Variants in CSMD1 observed in about 807,000 individuals in gnomAD.
The protein encoded by CSMD1 is CUB and Sushi multiple domains 1.
A neutral mutation model predicts 417.5 loss-of-function variants in CSMD1; 213 were observed. The observed-to-expected ratio is 0.51, with a 90% CI of 0.46 to 0.57. CSMD1 has a LOEUF of 0.57. Ranked by LOEUF, CSMD1 falls within the 20% of genes least tolerant of loss-of-function variation. CSMD1 has a pLI of 0.00. For synonymous variants in CSMD1, 2,862 were observed against 1,736.8 expected, an observed-to-expected ratio of 1.65 and a Z score of -16.11; for missense variants, 6,923 against 4,529.7, an observed-to-expected ratio of 1.53 and a Z score of -15.17.
intron 3 of CSMD1, among the ~76,000 whole-genome samples, chr8:4,329,455 T>C (rs533076910): frequency 3.3e-5 from 5 of 152,062 alleles, no homozygotes; most frequent in Admixed American, 6.6e-5. Flanking sequence ...CACTGGCTAA[T>C]TTTTGTATTT....
intron 23 of CSMD1, among the ~76,000 whole-genome samples, chr8:3,335,859 G>T (rs567616427): frequency 6.6e-6 from 1 of 152,140 alleles, no homozygotes; most frequent in South Asian, 2.1e-4. Context: ...GGCTCAGAGA[G>T]GTGAATTCAT....
intron 3 of CSMD1, among the ~76,000 whole-genome samples, chr8:4,058,824 C>A (rs1391047202): frequency 2.0e-5 from 3 of 151,326 alleles, no homozygotes; most frequent in Non-Finnish European, 4.4e-5. Flanking sequence ...GAGACTTAGA[C>A]TCCCACACAA....
At chr8:3,314,819 T>G (rs1194164599) in intron 23 of CSMD1, among the ~76,000 whole-genome samples, 1 of 152,248 alleles carries the variant, frequency 6.6e-6, no homozygotes, top group Non-Finnish European at 1.5e-5. Context: ...TTAGTTCTTA[T>G]CTTCCAAATA....
rs768412800 is a variant in CSMD1, at chr8:2,966,620, C to T, written c.9050G>A (p.Arg3017Gln). Residue 3017 changes from arginine to glutamine, a missense_variant, in exon 58 of 70, where the codon CGG becomes CAG. Transcript: ENST00000635120. Reference sequence around the variant, plus strand: ...CCAGGTCCCATTGGCTGTGCAATGCCGTGTCATGAGCCCTGAGGTCTTGTA... The same window carrying T: ...CCAGGTCCCATTGGCTGTGCAATGCTGTGTCATGAGCCCTGAGGTCTTGTA... ...EGYKTSGLMT[R>Q]HCTANGTWTG... 3.7e-6 allele frequency: 6 copies of T among 1,613,706 alleles called. No homozygotes were observed. Among genetic ancestry groups the T allele is most frequent in the Non-Finnish European group, 5.1e-6 (6 of 1,179,774 alleles).
In CSMD1 at chr8:4,117,385, G is replaced by A. The variant is rs73658583; in HGVS notation, c.416-85286C>T. 8.3e-3 allele frequency among the ~76,000 whole-genome samples: 1,256 copies of A among 151,172 alleles called. 26 individuals carry two copies. The highest frequency in any genetic ancestry group is 0.029 in the African/African-American group (1,187 of 41,410). ...CATAACACCGGGACACCAGGCAAAG[G>A]AGCTCCCAAGCTGAACCTCTGCCTG... On this transcript the variant is annotated intron_variant, in intron 3 of 69. Coordinates refer to ENST00000635120, the MANE Select transcript of CSMD1 (RefSeq NM_033225.6).
chr8:4,723,730 G>C (rs1459346025), intron 1 of CSMD1, among the ~76,000 whole-genome samples: 2 of 147,374 alleles, frequency 1.4e-5, no homozygotes, highest in South Asian at 2.2e-4. Context: ...AATAATGAAA[G>C]GAATTTTCAT....
chr8:3,780,695 A>G (rs1427415557), intron 5 of CSMD1, among the ~76,000 whole-genome samples: 2 of 152,238 alleles, frequency 1.3e-5, no homozygotes, highest in African/African-American at 2.4e-5. Context: ...CGGCAGAAAG[A>G]GCCCAGCCTG....
At chr8:3,928,978 G>T (rs531524330) in intron 5 of CSMD1, among the ~76,000 whole-genome samples, 5 of 150,426 alleles carry the variant, frequency 3.3e-5, no homozygotes, top group African/African-American at 9.8e-5. Flanking sequence ...TAAAACAATT[G>T]GTTGTCATTG....
chr8:4,179,273 A>G lies in CSMD1; in HGVS notation c.416-147174T>C, dbSNP rs111534816. Among the ~76,000 whole-genome samples the G allele has an allele frequency of 4.2e-3, 637 of 152,242 alleles. 21 individuals carry two copies. In the East Asian group the frequency reaches 0.057, roughly 14 times the overall value. On this transcript the variant is annotated intron_variant, in intron 3 of 69. Coordinates refer to ENST00000635120, the MANE Select transcript of CSMD1 (RefSeq NM_033225.6). ...GAACAGAGCCCTCAGAAATAATGCC[A>G]CGTATCTACAACTATCTGATCTTTG... is the stretch of plus-strand genomic sequence containing the variant.
At chr8:3,946,129 C>T (rs1282622841) in intron 5 of CSMD1, among the ~76,000 whole-genome samples, 1 of 152,106 alleles carries the variant, frequency 6.6e-6, no homozygotes, top group Non-Finnish European at 1.5e-5. Context: ...ATTCCATGCA[C>T]ATGATCTCAC....
intron 26 of CSMD1, among the ~76,000 whole-genome samples, chr8:3,267,298 C>T (rs1801505058): frequency 6.6e-6 from 1 of 152,172 alleles, no homozygotes; most frequent in Admixed American, 6.5e-5. Flanking sequence ...TCTCACAAGG[C>T]GTGATATCCC....
intron 6 of CSMD1, among the ~76,000 whole-genome samples, chr8:3,739,276 A>T (rs1294401334): frequency 6.6e-6 from 1 of 152,212 alleles, no homozygotes; most frequent in Non-Finnish European, 1.5e-5. Context: ...AAAGCTGTAG[A>T]TTGTCTTTAG....
At chr8:4,583,210 G>T (rs1799524622) in intron 2 of CSMD1, among the ~76,000 whole-genome samples, 1 of 152,206 alleles carries the variant, frequency 6.6e-6, no homozygotes, top group African/African-American at 2.4e-5. Flanking sequence ...GCTGAGGAAT[G>T]CGGGCACACG....
At chr8:3,437,874 A>C (rs766945148) in intron 12 of CSMD1, among the ~76,000 whole-genome samples, 5 of 151,868 alleles carry the variant, frequency 3.3e-5, no homozygotes, top group Non-Finnish European at 7.4e-5. Flanking sequence ...CAGCCACCCG[A>C]GTAGCTGGGA....
intron 3 of CSMD1, among the ~76,000 whole-genome samples, chr8:4,240,087 T>A (rs1802300436): frequency 6.6e-6 from 1 of 152,228 alleles, no homozygotes; most frequent in Non-Finnish European, 1.5e-5. Flanking sequence ...AAATAAAGCT[T>A]CTTAAATACT....
At chr8:3,136,641 A>G (rs1385312457) in intron 41 of CSMD1, among the ~76,000 whole-genome samples, 1 of 152,046 alleles carries the variant, frequency 6.6e-6, no homozygotes, top group African/African-American at 2.4e-5. Flanking sequence ...CATTGATAAT[A>G]TTTTTATATC....
At chr8:3,963,602 T>G (rs1563259797) in intron 5 of CSMD1, among the ~76,000 whole-genome samples, 1 of 152,220 alleles carries the variant, frequency 6.6e-6, no homozygotes, top group Non-Finnish European at 1.5e-5. Context: ...AAATAAAGTT[T>G]AAATTTAGTA....
intron 3 of CSMD1, among the ~76,000 whole-genome samples, chr8:4,301,090 G>T (rs138541373): frequency 6.6e-6 from 1 of 152,172 alleles, no homozygotes; most frequent in African/African-American, 2.4e-5. Context: ...TGCCTAATGA[G>T]TTCCCATTGA....
chr8:3,859,741 T>C (rs190231440), intron 5 of CSMD1, among the ~76,000 whole-genome samples: 1 of 152,242 alleles, frequency 6.6e-6, no homozygotes, highest in East Asian at 1.9e-4. Flanking sequence ...ACCCGGGCAG[T>C]CTTCCCTGGC....
Sources: allele counts gnomAD v4.1 joint callset (sites outside exome capture counted in the v4.1 genomes callset), GRCh38; gene constraint gnomAD v4.1.1; transcripts MANE v1.5; gene names NCBI Gene and HGNC (gene_info 2026-07-23, HGNC 2026-07-21).